ANAPC1: variants seen among roughly 807,000 people sequenced by gnomAD.
ANAPC1 encodes anaphase promoting complex subunit 1.
ANAPC1 carries 36 observed loss-of-function variants against 208.0 expected under a neutral mutation model. The observed-to-expected ratio is 0.17, with a 90% CI of 0.13 to 0.23. ANAPC1 has a LOEUF of 0.23. Among genes scored for constraint, ANAPC1 ranks in the 10% least tolerant of loss-of-function variants. The pLI is 1.00. For missense variants in ANAPC1, 942 were observed against 2,011.6 expected, an observed-to-expected ratio of 0.47 and a Z score of 10.17; for synonymous variants, 378 against 695.2, an observed-to-expected ratio of 0.54 and a Z score of 7.18.
chr2:111,882,680 T>G (rs965308484), intron 1 of ANAPC1, among the ~76,000 whole-genome samples: 2 of 148,464 alleles, frequency 1.3e-5, no homozygotes, highest in Non-Finnish European at 1.5e-5. Context: ...GAGGTTGCAG[T>G]GAGCCGAGAT....
chr2:111,876,249 G>GA (rs1317305546), intron 3 of ANAPC1, among the ~76,000 whole-genome samples: 2 of 140,692 alleles, frequency 1.4e-5, no homozygotes, highest in African/African-American at 5.0e-5. Flanking sequence ...AAGAATAAAT[G>GA]AAAAAATAAA....
intron 13 of ANAPC1, among the ~76,000 whole-genome samples, chr2:111,855,465 T>C (rs1681648184): frequency 6.6e-6 from 1 of 152,042 alleles, no homozygotes; most frequent in Non-Finnish European, 1.5e-5. Context: ...ATCTGTGAAG[T>C]ACAATAAAGC....
chr2:111,872,949 C>G (rs1384136450), intron 5 of ANAPC1: 4 of 532,992 alleles, frequency 7.5e-6, no homozygotes, highest in Non-Finnish European at 1.3e-5. Context: ...TGGCCAGGAT[C>G]AGTAACAAAA....
chr2:111,854,618 A>T (rs1443225859), intron 13 of ANAPC1, among the ~76,000 whole-genome samples: 1 of 152,230 alleles, frequency 6.6e-6, no homozygotes, highest in Admixed American at 6.5e-5. Flanking sequence ...CTTCTACATC[A>T]GCACATGCTG....
At chr2:111,858,987 T>C (rs1573480191) in intron 10 of ANAPC1, among the ~76,000 whole-genome samples, 4 of 152,278 alleles carry the variant, frequency 2.6e-5, no homozygotes, top group African/African-American at 9.6e-5. Flanking sequence ...TTACATACTA[T>C]GTAAGCTCCC....
In ANAPC1 at chr2:111,794,698, T is replaced by A. The variant is rs1296239060; in HGVS notation, c.4373+120A>T. On this transcript the variant is annotated intron_variant, in intron 35 of 47. Coordinates refer to ENST00000341068, the MANE Select transcript of ANAPC1 (RefSeq NM_022662.4). ...TCATGAACATCTGATAAATAATGGT[T>A]AGAAATATGTGGGATTCATAATTAC... is the stretch of plus-strand genomic sequence containing the variant. 3 of 1,372,768 alleles carry A rather than the reference T, an allele frequency of 2.2e-6. No individual in the cohort carries two copies. The African/African-American group carries it at 4.3e-5, about 20-fold the overall frequency. 85.0% of individuals were successfully genotyped at this position (1,372,768 alleles called of 1,614,324 possible).
At chr2:111,856,227 T>C (rs1001557010) in intron 13 of ANAPC1, among the ~76,000 whole-genome samples, 22 of 152,044 alleles carry the variant, frequency 1.4e-4, no homozygotes, top group African/African-American at 5.3e-4. Context: ...AGAGCGAGAC[T>C]CCGTCTCAAA....
intron 44 of ANAPC1, chr2:111,779,239 G>GACTTTGGGCATGTGAC (rs1677152570): frequency 1.3e-5 from 2 of 149,196 alleles, no homozygotes; most frequent in African/African-American, 4.9e-5. Flanking sequence ...CTAGCTGTGA[G>GACTTTGGGCATGTGAC]ATCTTGGGCA....
intron 6 of ANAPC1, 107 bp from the exon 7 acceptor site, chr2:111,868,203 C>G (rs1682542361): frequency 1.7e-6 from 1 of 596,278 alleles, no homozygotes; most frequent in Non-Finnish European, 2.9e-6. Flanking sequence ...CAACTAGAAA[C>G]CTACTATCTC....
intron 21 of ANAPC1, among the ~76,000 whole-genome samples, chr2:111,828,437 CAGGT>C (rs993096037): frequency 5.3e-5 from 8 of 152,170 alleles, no homozygotes; most frequent in African/African-American, 1.9e-4. Context: ...ATTCCACCAC[CAGGT>C]ATATATTAAA....
intron 47 of ANAPC1, 112 bp downstream of exon 47, chr2:111,772,229 T>G: frequency 4.6e-6 from 5 of 1,092,796 alleles, no homozygotes; most frequent in Non-Finnish European, 5.4e-6. Flanking sequence ...ACAATGACAC[T>G]GCAACATTAA....
intron 14 of ANAPC1, among the ~76,000 whole-genome samples, chr2:111,849,774 G>C (rs1463874474): frequency 1.3e-5 from 2 of 151,344 alleles, no homozygotes; most frequent in Non-Finnish European, 2.9e-5. Context: ...AACTGACACA[G>C]ACAACCTCAC....
At chr2:111,782,642 G>C (rs1374576182) in intron 42 of ANAPC1, 135 bp from the exon 43 acceptor site, 4 of 780,994 alleles carry the variant, frequency 5.1e-6, no homozygotes, top group Non-Finnish European at 8.1e-6. Flanking sequence ...TATTTACTGT[G>C]TCTAAGATTA....
chr2:111,816,718 A>G (rs1398134166), intron 27 of ANAPC1, among the ~76,000 whole-genome samples: 1 of 141,588 alleles, frequency 7.1e-6, no homozygotes, highest in Non-Finnish European at 1.6e-5. Flanking sequence ...TGCAGCTTTA[A>G]AAATACCATT....
rs554216871 is a variant in ANAPC1, at chr2:111,873,019, T to G, written c.528+289A>C. On this transcript the variant is annotated intron_variant, in intron 5 of 47. Transcript: ENST00000341068. Reference sequence around the variant, plus strand: ...AAGACGATGAGTAACAAAAAAAGACTGGTGTTATTCATATGCCTTATTTAA... The same window carrying G: ...AAGACGATGAGTAACAAAAAAAGACGGGTGTTATTCATATGCCTTATTTAA... 1.1e-5 allele frequency: 5 copies of G among 462,146 alleles called. No homozygotes were observed. The South Asian group carries it at 1.7e-4, about 15-fold the overall frequency. 28.6% of individuals were successfully genotyped at this position (462,146 alleles called of 1,614,324 possible).
intron 3 of ANAPC1, among the ~76,000 whole-genome samples, chr2:111,877,689 C>T (rs1204456737): frequency 6.6e-6 from 1 of 151,958 alleles, no homozygotes; most frequent in African/African-American, 2.4e-5. Context: ...GAGGGTGAGG[C>T]GGGAGAATGG....
Position 111,808,940 on chromosome 2 carries a change from C to T in ANAPC1, c.3832+7G>A, listed in dbSNP as rs201128688. On this transcript the variant is annotated splice_region_variant and intron_variant, in intron 29 of 47. Coordinates refer to ENST00000341068, the MANE Select transcript of ANAPC1 (RefSeq NM_022662.4). ...CCTATGAAGATTCAGCACTATTAAT[C>T]CCATACCTATCTCAGCCAACAGGAC... 368,766 of 1,565,042 alleles carry T rather than the reference C, an allele frequency of 0.24. 44,415 individuals are homozygous for T. The highest frequency in any genetic ancestry group is 0.32 in the Middle Eastern group (1,411 of 4,346).
At chr2:111,770,201 T>TTATATATATATA (rs3055943) in intron 47 of ANAPC1, among the ~76,000 whole-genome samples, 13 of 81,528 alleles carry the variant, frequency 1.6e-4, no homozygotes, top group South Asian at 9.1e-4. Context: ...TTGTTTAATT[T>TTATATATATATA]TATATATATA....
chr2:111,879,065 C>A, intron 2 of ANAPC1, 94 bp from the exon 3 acceptor site: 2 of 1,003,754 alleles, frequency 2.0e-6, no homozygotes, highest in East Asian at 2.6e-5. Context: ...GAGTAAGACT[C>A]AATTCAAACA....
Sources: allele counts gnomAD v4.1 joint callset (sites outside exome capture counted in the v4.1 genomes callset), GRCh38; gene constraint gnomAD v4.1.1; transcripts MANE v1.5; gene names NCBI Gene and HGNC (gene_info 2026-07-23, HGNC 2026-07-21).